LRIG2: variants seen among roughly 807,000 people sequenced by gnomAD.
LRIG2 encodes the protein leucine-rich repeats and immunoglobulin-like domains protein 2.
In LRIG2, 93 loss-of-function variants were observed where a neutral mutation model predicts 107.8. The observed-to-expected ratio is 0.86, with a 90% confidence interval of 0.73 to 1.03. The LOEUF (loss-of-function observed/expected upper bound fraction) is 1.03, where lower values mean the gene tolerates loss of function less well. LRIG2 is among the 50% of genes least tolerant of loss of function. LRIG2 has a pLI of 0.00. For synonymous variants in LRIG2, 471 were observed against 470.6 expected (o/e 1.00, Z -0.01); for missense variants, 1,226 against 1,296.0 (o/e 0.95, Z 0.83).
chr1:113,077,485 C>T (rs930624497), intron 1 of LRIG2, among the ~76,000 whole-genome samples: 3 of 152,178 alleles, frequency 2.0e-5, no homozygotes, highest in Non-Finnish European at 4.4e-5. Flanking sequence ...GGAACCAGTG[C>T]TGTACTTGAT....
At position 113,124,000 on chromosome 1, in the gene LRIG2, C is replaced by G; in HGVS notation, c.3097C>G (p.Pro1033Ala). The G allele has an allele frequency of 6.2e-7, 1 of 1,614,072 alleles. No individual in the cohort carries two copies. Among genetic ancestry groups the G allele is most frequent in the Non-Finnish European group, 8.5e-7 (1 of 1,179,980 alleles). ...HQNEGLAGRE[P>A]DCSASSMSCH... ...AAATGAGGGCCTGGCAGGGAGAGAG[C>G]CAGACTGTTCTGCTTCTTCCATGTC... Residue 1033 changes from proline to alanine, a missense_variant, in exon 18 of 18, where the codon CCA becomes GCA. Physicochemically the swap from Pro to Ala is conservative, Grantham distance 27 (BLOSUM62 -1). Coordinates refer to ENST00000361127, the MANE Select transcript of LRIG2 (RefSeq NM_014813.3).
intron 11 of LRIG2, among the ~76,000 whole-genome samples, chr1:113,105,661 C>T (rs1274963547): frequency 6.6e-6 from 1 of 151,990 alleles, no homozygotes; most frequent in Admixed American, 6.6e-5. Flanking sequence ...GCCTGTAATC[C>T]CAGATACTCA....
chr1:113,073,598 G>A lies in LRIG2; in HGVS notation c.192G>A (p.Pro64=). 6.2e-7 allele frequency: 1 copy of A among 1,613,750 alleles called. No homozygotes were observed. The highest frequency in any genetic ancestry group is 8.5e-7 in the Non-Finnish European group (1 of 1,179,978). ...GCAGTCGCAGGAAATTGCCCGCACC[G>A]AGCTGGAGGGCGCTGTCGGGCTTGC... ...LDCSRRKLPA[P]SWRALSGLLP... Residue 64 remains proline, a synonymous_variant, in exon 1 of 18, where the codon CCG becomes CCA. Coordinates refer to ENST00000361127, the MANE Select transcript of LRIG2 (RefSeq NM_014813.3).
Position 113,107,648 on chromosome 1 carries a change from A to C in LRIG2, c.1368A>C (p.Gln456His). 6.2e-7 allele frequency: 1 copy of C among 1,614,016 alleles called. No individual in the cohort carries two copies. Among genetic ancestry groups the C allele is most frequent in the South Asian group, 1.1e-5 (1 of 91,044 alleles). Reference protein sequence around the residue: ...LCDCHLKWLLQWLVDNNFQHS... With the variant: ...LCDCHLKWLLHWLVDNNFQHS... ...ACTGCCATTTGAAGTGGCTACTTCA[A>C]TGGTTGGTTGATAATAACTTTCAAC... The change falls in exon 12 of 18, where the codon CAA becomes CAC. Residue 456 changes from glutamine to histidine, a missense_variant. Coordinates refer to ENST00000361127, the MANE Select transcript of LRIG2 (RefSeq NM_014813.3).
Position 113,131,814 on chromosome 1 carries a change from G to T in LRIG2, c.*7713G>T, listed in dbSNP as rs375900922. 2.3e-5 allele frequency: 1 copy of T among 44,130 alleles called. No homozygotes were observed. The highest frequency in any genetic ancestry group is 8.4e-5 in the African/African-American group (1 of 11,874). The allele number at this position is 44,130 out of a possible 1,614,324, so 2.7% of individuals were successfully genotyped here. On this transcript the variant is annotated 3_prime_UTR_variant, in exon 18 of 18. Coordinates refer to ENST00000361127, the MANE Select transcript of LRIG2 (RefSeq NM_014813.3). ...AGTAAGGTAGGTTTTGTGTGTGTGT[G>T]TGTGTGTGTGTGTGTGTGTGTGTGT...
chr1:113,096,351 C>T lies in LRIG2; in HGVS notation c.1077C>T (p.Ser359=), dbSNP rs1312060841. 1.2e-6 allele frequency: 2 copies of T among 1,613,220 alleles called. No individual in the cohort carries two copies. The highest frequency in any genetic ancestry group is 1.7e-5 in the Admixed American group (1 of 59,854). Residue 359 remains serine, a synonymous_variant, in exon 8 of 18, where the codon TCC becomes TCT. Transcript: ENST00000361127. ...HIADGVFRFL[S]NLQTLDLRNN... ...CTGATGGTGTATTTAGATTTCTTTCCAATCTTCAGACATTGTAAGTATATC... is the reference window on the plus strand; with the variant it reads ...CTGATGGTGTATTTAGATTTCTTTCTAATCTTCAGACATTGTAAGTATATC...
At chr1:113,086,334 A>G (rs1387447559) in intron 1 of LRIG2, among the ~76,000 whole-genome samples, 3 of 152,146 alleles carry the variant, frequency 2.0e-5, no homozygotes, top group Admixed American at 2.0e-4. Flanking sequence ...AAATTATGCT[A>G]GGTACACTCT....
In LRIG2 at chr1:113,112,668, C is replaced by A. The variant is rs976822960; in HGVS notation, c.1988C>A (p.Ala663Asp). The A allele has an allele frequency of 1.5e-5, 24 of 1,613,900 alleles. No individual in the cohort carries two copies. Among genetic ancestry groups the A allele is most frequent in the Non-Finnish European group, 1.9e-5 (23 of 1,179,966 alleles). The change falls in exon 14 of 18, where the codon GCC becomes GAC. Residue 663 changes from alanine to aspartate, a missense_variant. Ala to Asp is a moderately radical substitution (Grantham distance 126). Coordinates refer to ENST00000361127, the MANE Select transcript of LRIG2 (RefSeq NM_014813.3). ...VMPEDDVFFI[A>D]NVKIEDMGIY... ...CCCGAGGATGACGTCTTCTTTATTG[C>A]CAATGTGAAAATAGAAGATATGGGA...
intron 2 of LRIG2, among the ~76,000 whole-genome samples, chr1:113,091,659 GT>G (rs1221208030): frequency 1.3e-5 from 2 of 152,166 alleles, no homozygotes; most frequent in Admixed American, 6.5e-5. Context: ...GAGTAAATGT[GT>G]TTTGATTTTG....
At chr1:113,099,855 T>C (rs568449504) in intron 9 of LRIG2, among the ~76,000 whole-genome samples, 22 of 152,328 alleles carry the variant, frequency 1.4e-4, no homozygotes, top group African/African-American at 5.3e-4. Flanking sequence ...GACAATCTTT[T>C]GCTCTGAATG....
chr1:113,079,686 AAAAAAG>A (rs1653165954), intron 1 of LRIG2, among the ~76,000 whole-genome samples: 2 of 151,856 alleles, frequency 1.3e-5, no homozygotes, highest in South Asian at 4.2e-4. Flanking sequence ...AAAAAAAAGA[AAAAAAG>A]AAAAGAAAAA....
chr1:113,112,613 G>A lies in LRIG2; in HGVS notation c.1933G>A (p.Ala645Thr), dbSNP rs776707765. The change falls in exon 14 of 18, where the codon GCG becomes ACG. Residue 645 changes from alanine to threonine, a missense_variant. This residue lies in a region of LRIG2 where 642 missense variants were observed against 712.2 expected (regional missense o/e 0.90). Transcript: ENST00000361127. ...WQKDGGTDFP[A>T]ARERRMHVMP... is the part of the protein sequence containing the mutation. ...GAAAGATGGTGGTACTGACTTTCCT[G>A]CGGCTCGAGAAAGACGCATGCACGT... The A allele has an allele frequency of 6.2e-7, 1 of 1,614,214 alleles. No homozygotes were observed. The highest frequency in any genetic ancestry group is 1.7e-5 in the Admixed American group (1 of 60,020).
intron 1 of LRIG2, among the ~76,000 whole-genome samples, chr1:113,076,007 T>C (rs1652965948): frequency 6.8e-6 from 1 of 147,594 alleles, no homozygotes; most frequent in Non-Finnish European, 1.5e-5. Flanking sequence ...TGGCCTACTT[T>C]TTTTTTTTTT....
chr1:113,087,278 A>G (rs1040361995), intron 1 of LRIG2, among the ~76,000 whole-genome samples: 8 of 152,242 alleles, frequency 5.3e-5, no homozygotes, highest in African/African-American at 1.9e-4. Context: ...TCAATTTTTA[A>G]AATCATCCAA....
chr1:113,074,401 T>C (rs756501369), intron 1 of LRIG2, among the ~76,000 whole-genome samples: 11 of 152,216 alleles, frequency 7.2e-5, no homozygotes, highest in Non-Finnish European at 1.5e-4. Context: ...TTCTGGAGTT[T>C]CCACTGTTGA....
At chr1:113,122,719 T>C (rs1460910718) in intron 17 of LRIG2, among the ~76,000 whole-genome samples, 1 of 152,194 alleles carries the variant, frequency 6.6e-6, no homozygotes, top group Non-Finnish European at 1.5e-5. Flanking sequence ...AAGTCTGGTC[T>C]GTTGACTATC....
At chr1:113,122,114 G>A (rs1218010732) in intron 17 of LRIG2, among the ~76,000 whole-genome samples, 1 of 115,428 alleles carries the variant, frequency 8.7e-6, no homozygotes, top group Non-Finnish European at 1.6e-5. Flanking sequence ...ACAGAGTCTC[G>A]CTCTGTCGCC....
intron 1 of LRIG2, among the ~76,000 whole-genome samples, chr1:113,089,177 T>C (rs1416261215): frequency 6.6e-6 from 1 of 152,224 alleles, no homozygotes; most frequent in Non-Finnish European, 1.5e-5. Context: ...CTGCCTATGG[T>C]GGCATAGTGA....
intron 1 of LRIG2, 65 bp from the exon 2 acceptor site, chr1:113,091,253 T>C (rs943806634): frequency 2.8e-6 from 3 of 1,072,334 alleles, no homozygotes; most frequent in Non-Finnish European, 4.1e-6. Flanking sequence ...CTATTTAGTT[T>C]CTTTTTTTTT....
Sources: allele counts gnomAD v4.1 joint callset (sites outside exome capture counted in the v4.1 genomes callset), GRCh38; gene constraint gnomAD v4.1.1; regional missense constraint gnomAD v4.1.1; transcripts MANE v1.5; gene names NCBI Gene and HGNC (gene_info 2026-07-23, HGNC 2026-07-21).